Variants in KANSL1 observed in about 807,000 individuals in gnomAD.
KANSL1 encodes MLL1/MLL complex subunit KANSL1.
Under a neutral mutation model 103.6 loss-of-function variants are expected in KANSL1, and 22 were observed. That is an observed-to-expected ratio of 0.21 (90% CI 0.15 to 0.30). The LOEUF is 0.30. Among genes scored for constraint, KANSL1 ranks in the 10% least tolerant of loss-of-function variants. The pLI, the probability that KANSL1 is intolerant of heterozygous loss-of-function variation, is 1.00. For missense variants in KANSL1, 1,337 were observed against 1,399.8 expected, an observed-to-expected ratio of 0.96 and a Z score of 0.72; for synonymous variants, 600 against 527.6, an observed-to-expected ratio of 1.14 and a Z score of -1.88.
chr17:46,056,166 T>A (rs2077922430), intron 6 of KANSL1, among the ~76,000 whole-genome samples: 1 of 152,132 alleles, frequency 6.6e-6, no homozygotes. Flanking sequence ...CCTGGCTAAT[T>A]TCTGTATTTT....
intron 4 of KANSL1, 105 bp downstream of exon 4, chr17:46,082,336 C>A: frequency 1.5e-6 from 1 of 653,162 alleles, no homozygotes. Context: ...ATACAGTTCC[C>A]CTTCTTCAGC....
In KANSL1 at chr17:46,132,916, C is replaced by T. The variant is rs73319166; in HGVS notation, c.1289+37939G>A. Among the ~76,000 whole-genome samples the T allele has an allele frequency of 1.9e-3, 294 of 152,290 alleles. 4 individuals carry two copies. Among genetic ancestry groups the T allele is most frequent in the African/African-American group, 6.9e-3 (288 of 41,522 alleles). On this transcript the variant is annotated intron_variant, in intron 2 of 14. Transcript: ENST00000432791. ...CATCATCATACCACTGGACTTCCAG[C>T]TTGGGCGACACAGCAAGACCGTGTC...
chr17:46,150,034 AT>A (rs1203712121), intron 2 of KANSL1, among the ~76,000 whole-genome samples: 2 of 150,942 alleles, frequency 1.3e-5, no homozygotes, highest in Non-Finnish European at 2.9e-5. Context: ...AAATAAATAA[AT>A]AAATAAAAAA....
intron 1 of KANSL1, among the ~76,000 whole-genome samples, chr17:46,215,612 T>C (rs2048315812): frequency 6.6e-6 from 1 of 152,158 alleles, no homozygotes; most frequent in Non-Finnish European, 1.5e-5. Flanking sequence ...ATGTGGTGAC[T>C]AGAATGGCAC....
At chr17:46,157,567 C>A (rs1436711744) in intron 2 of KANSL1, among the ~76,000 whole-genome samples, 1 of 152,248 alleles carries the variant, frequency 6.6e-6, no homozygotes, top group Non-Finnish European at 1.5e-5. Context: ...TTTCTCAACT[C>A]TTGGACCTGA....
chr17:46,104,063 T>C (rs562327871), intron 2 of KANSL1, among the ~76,000 whole-genome samples: 2 of 152,312 alleles, frequency 1.3e-5, no homozygotes, highest in East Asian at 1.9e-4. Context: ...CTTTAGTAGT[T>C]TGATACATTT....
At chr17:46,216,898 G>A (rs913060829) in intron 1 of KANSL1, among the ~76,000 whole-genome samples, 1 of 152,034 alleles carries the variant, frequency 6.6e-6, no homozygotes, top group Non-Finnish European at 1.5e-5. Flanking sequence ...TTGAGCTCAG[G>A]AGTTCAATAT....
intron 1 of KANSL1, among the ~76,000 whole-genome samples, chr17:46,213,668 G>C (rs2148033975): frequency 6.6e-6 from 1 of 150,510 alleles, no homozygotes; most frequent in African/African-American, 2.4e-5. Context: ...TGTAATCCCA[G>C]TACTTTGTGG....
At chr17:46,215,256 A>G (rs1338612628) in intron 1 of KANSL1, 2 of 152,530 alleles carry the variant, frequency 1.3e-5, no homozygotes, top group Non-Finnish European at 2.9e-5. Context: ...TTGTGTGAAG[A>G]CCCAGAGGCA....
chr17:46,163,479 C>A (rs999212477), intron 2 of KANSL1, among the ~76,000 whole-genome samples: 3 of 152,228 alleles, frequency 2.0e-5, no homozygotes, highest in Admixed American at 6.5e-5. Flanking sequence ...CTTCCTGTCT[C>A]AACTTCCTGA....
chr17:46,145,544 A>G (rs1176615186), intron 2 of KANSL1, among the ~76,000 whole-genome samples: 1 of 152,256 alleles, frequency 6.6e-6, no homozygotes, highest in Non-Finnish European at 1.5e-5. Flanking sequence ...AGAGCTAAGC[A>G]GCTACTTGGG....
intron 2 of KANSL1, among the ~76,000 whole-genome samples, chr17:46,111,200 G>A (rs200046878): frequency 6.6e-6 from 1 of 152,304 alleles, no homozygotes; most frequent in East Asian, 1.9e-4. Flanking sequence ...TTCAAACATT[G>A]CCAAGAAAAC....
At chr17:46,074,387 A>T (rs2078683834) in intron 4 of KANSL1, among the ~76,000 whole-genome samples, 1 of 152,176 alleles carries the variant, frequency 6.6e-6, no homozygotes, top group Non-Finnish European at 1.5e-5. Context: ...AGGGGGGAAG[A>T]CACCTCTTCC....
intron 1 of KANSL1, among the ~76,000 whole-genome samples, chr17:46,180,407 A>C (rs749054345): frequency 1.5e-4 from 23 of 152,190 alleles, no homozygotes; most frequent in Admixed American, 2.6e-4. Flanking sequence ...CTGTGGTAGG[A>C]GAATCGCTGA....
intron 1 of KANSL1, among the ~76,000 whole-genome samples, chr17:46,201,573 A>G (rs1457100417): frequency 6.6e-6 from 1 of 152,148 alleles, no homozygotes; most frequent in Non-Finnish European, 1.5e-5. Flanking sequence ...AAATTATTTT[A>G]AATTTTGTAT....
At chr17:46,057,446 C>A (rs1259823674) in intron 6 of KANSL1, among the ~76,000 whole-genome samples, 1 of 152,076 alleles carries the variant, frequency 6.6e-6, no homozygotes, top group African/African-American at 2.4e-5. Context: ...TAAACATATT[C>A]TATCTAGCTA....
At chr17:46,113,044 A>G (rs1002543176) in intron 2 of KANSL1, among the ~76,000 whole-genome samples, 1 of 152,140 alleles carries the variant, frequency 6.6e-6, no homozygotes, top group African/African-American at 2.4e-5. Context: ...TTAGACATCA[A>G]TTTAAGTGGG....
chr17:46,192,585 A>T (rs2047392862), intron 1 of KANSL1: 1 of 152,900 alleles, frequency 6.5e-6, no homozygotes, highest in African/African-American at 2.4e-5. Flanking sequence ...CTGGCGAACG[A>T]GGCGGCAGCT....
At chr17:46,041,685 T>C (rs7213077) in intron 7 of KANSL1, 52,604 of 152,032 alleles carry the variant, frequency 0.35, 9,636 homozygotes, top group South Asian at 0.58. Context: ...TCACTACTCC[T>C]TCTGCCCTTT....
Sources: gnomAD v4.1 joint callset for allele counts (sites outside exome capture counted in the v4.1 genomes callset) on GRCh38, gnomAD v4.1.1 for gene constraint, MANE v1.5 for transcripts, NCBI Gene and HGNC (gene_info 2026-07-23, HGNC 2026-07-21) for gene names.